The following NCOA3 variants were observed in gnomAD, a reference collection of about 807,000 sequenced individuals.
NCOA3 encodes CBP-interacting protein.
Under a neutral mutation model 158.8 loss-of-function variants are expected in NCOA3, and 51 were observed. The ratio of observed to expected loss-of-function variants is 0.32; its 90% confidence interval spans 0.26 to 0.41. The LOEUF (loss-of-function observed/expected upper bound fraction) is 0.41. NCOA3 is among the 10% of genes least tolerant of loss of function. The pLI is 1.00. For synonymous variants in NCOA3, 537 were observed against 592.4 expected (o/e 0.91, Z 1.36); for missense variants, 1,510 against 1,746.6 (o/e 0.86, Z 2.41).
chr20:47,510,916 C>T (rs1299338112), intron 1 of NCOA3, among the ~76,000 whole-genome samples: 1 of 152,128 alleles, frequency 6.6e-6, no homozygotes, highest in African/African-American at 2.4e-5. Flanking sequence ...TTTCATACCA[C>T]TCTTCTAAGT....
rs534060723 is a variant in NCOA3, at chr20:47,603,070, T to C, written c.-19-19159T>C. ...CTAATAAGAGTTCCGTTTCTACAAA[T>C]TCTTTTGACAGAGAAGTGTATGATA... On this transcript the variant is annotated intron_variant, in intron 2 of 22. Transcript: ENST00000371998. 2.0e-5 allele frequency among the ~76,000 whole-genome samples: 3 copies of C among 152,344 alleles called. No homozygotes were observed. The South Asian group carries it at 6.2e-4, about 32-fold the overall frequency.
intron 1 of NCOA3, among the ~76,000 whole-genome samples, chr20:47,547,557 C>T (rs1211573621): frequency 6.6e-6 from 1 of 151,810 alleles, no homozygotes; most frequent in Non-Finnish European, 1.5e-5. Flanking sequence ...GGACTACAGG[C>T]GCCCATCACC....
At chr20:47,502,318 G>A (rs191896466) in intron 1 of NCOA3, among the ~76,000 whole-genome samples, 200 of 152,274 alleles carry the variant, frequency 1.3e-3, no homozygotes, top group African/African-American at 4.5e-3. Context: ...TTTGCGGGGG[G>A]ACTGCAGGGG....
At chr20:47,632,720 A>G (rs866221278) in intron 8 of NCOA3, among the ~76,000 whole-genome samples, 3 of 134,264 alleles carry the variant, frequency 2.2e-5, no homozygotes, top group Admixed American at 8.0e-5. Flanking sequence ...GTCTCATTCT[A>G]TTGCCAGGCC....
At chr20:47,613,771 C>T (rs891939755) in intron 2 of NCOA3, among the ~76,000 whole-genome samples, 1 of 151,740 alleles carries the variant, frequency 6.6e-6, no homozygotes, top group South Asian at 2.1e-4. Flanking sequence ...ATTAGCTGGG[C>T]GTGGTGGTGG....
At chr20:47,620,850 C>T (rs1172791215) in intron 2 of NCOA3, among the ~76,000 whole-genome samples, 3 of 152,160 alleles carry the variant, frequency 2.0e-5, no homozygotes, top group African/African-American at 7.2e-5. Context: ...AGGATTCAGT[C>T]TAGGATCAAA....
chr20:47,518,906 T>C (rs138800878), intron 1 of NCOA3, among the ~76,000 whole-genome samples: 10,230 of 147,844 alleles, frequency 0.069, 440 homozygotes, highest in Middle Eastern at 0.11. Flanking sequence ...GAGGCCGAGG[T>C]GGGTGGATCA....
intron 1 of NCOA3, among the ~76,000 whole-genome samples, chr20:47,521,748 C>A (rs1243773902): frequency 1.3e-5 from 2 of 152,164 alleles, no homozygotes; most frequent in African/African-American, 4.8e-5. Context: ...CTGACATATT[C>A]TTTGAAGAGA....
chr20:47,561,674 C>T (rs995136877), intron 1 of NCOA3, among the ~76,000 whole-genome samples: 1 of 151,924 alleles, frequency 6.6e-6, no homozygotes, highest in Non-Finnish European at 1.5e-5. Flanking sequence ...GAGGAGGGTA[C>T]AGAGATTTCC....
At chr20:47,556,731 C>A (rs937867283) in intron 1 of NCOA3, among the ~76,000 whole-genome samples, 3 of 152,114 alleles carry the variant, frequency 2.0e-5, no homozygotes, top group African/African-American at 7.2e-5. Context: ...ATCATGTTGG[C>A]CAGGCTGGTG....
intron 1 of NCOA3, among the ~76,000 whole-genome samples, chr20:47,528,193 A>G (rs999601703): frequency 4.6e-5 from 7 of 152,298 alleles, no homozygotes; most frequent in East Asian, 1.9e-4. Context: ...ATGCTAACAT[A>G]TACTATAAGC....
rs939777885 is a variant in NCOA3, at chr20:47,647,354, G to T, written c.3534G>T (p.Leu1178=). 2 of 1,613,678 alleles carry T rather than the reference G, an allele frequency of 1.2e-6. No individual in the cohort carries two copies. Among genetic ancestry groups the T allele is most frequent in the Admixed American group, 1.7e-5 (1 of 59,998 alleles). ...TTAGAATGCAGCTTCAGCAGAGGCT[G>T]CAGGGCCAGCAGGTAACCAGTCATG... The part of the protein sequence containing the change: ...KQLRMQLQQR[L]QGQQFLNQSR... The change falls in exon 18 of 23, where the codon CTG becomes CTT. Residue 1178 remains leucine (L), a synonymous_variant. Coordinates refer to ENST00000371998, the MANE Select transcript of NCOA3 (RefSeq NM_181659.3).
At chr20:47,556,743 AGCTT>A (rs2085014119) in intron 1 of NCOA3, among the ~76,000 whole-genome samples, 1 of 152,130 alleles carries the variant, frequency 6.6e-6, no homozygotes. Context: ...AGGCTGGTGA[AGCTT>A]TCTTTAACAT....
chr20:47,570,939 T>TACACAC (rs71183265), intron 1 of NCOA3, among the ~76,000 whole-genome samples: 158 of 114,894 alleles, frequency 1.4e-3, no homozygotes, highest in Middle Eastern at 5.9e-3. Flanking sequence ...GTAATATATA[T>TACACAC]ACACACACAC....
At chr20:47,522,543 A>G (rs918108040) in intron 1 of NCOA3, among the ~76,000 whole-genome samples, 2 of 151,902 alleles carry the variant, frequency 1.3e-5, no homozygotes, top group African/African-American at 4.8e-5. Context: ...CCCACCTGCC[A>G]CAGATACCAG....
chr20:47,619,668 T>TATTACTCAATGGATAGTTTGCCATTCA (rs1439210691), intron 2 of NCOA3, among the ~76,000 whole-genome samples: 2,069 of 151,292 alleles, frequency 0.014, 24 homozygotes, highest in Middle Eastern at 0.038. Flanking sequence ...AAAAAAAAGT[T>TATTACTCAATGGATAGTTTGCCATTCA]ATTACTCAAT....
chr20:47,549,231 A>G (rs891275490), intron 1 of NCOA3, among the ~76,000 whole-genome samples: 3 of 151,892 alleles, frequency 2.0e-5, no homozygotes, highest in Admixed American at 2.0e-4. Flanking sequence ...TGTAATAAAA[A>G]AGTTTTTAGG....
intron 2 of NCOA3, among the ~76,000 whole-genome samples, chr20:47,586,296 C>A (rs1045340408): frequency 2.6e-5 from 4 of 152,150 alleles, no homozygotes; most frequent in African/African-American, 4.8e-5. Flanking sequence ...TAAAGAACAT[C>A]TGGATATCCG....
At chr20:47,618,796 T>C (rs994024554) in intron 2 of NCOA3, among the ~76,000 whole-genome samples, 1 of 152,362 alleles carries the variant, frequency 6.6e-6, no homozygotes, top group African/African-American at 2.4e-5. Context: ...TGGACATAGC[T>C]CGACATATTT....
Sources: allele counts gnomAD v4.1 joint callset (sites outside exome capture counted in the v4.1 genomes callset), GRCh38; gene constraint gnomAD v4.1.1; transcripts MANE v1.5; gene names NCBI Gene and HGNC (gene_info 2026-07-23, HGNC 2026-07-21).